Variants in SLC4A10 observed in about 807,000 individuals in gnomAD.
The protein encoded by SLC4A10 is solute carrier family 4 member 10.
A neutral mutation model predicts 137.7 loss-of-function variants in SLC4A10; 42 were observed. That is an observed-to-expected ratio of 0.30 (90% CI 0.24 to 0.39). The LOEUF is 0.39. Among genes scored for constraint, SLC4A10 ranks in the 10% least tolerant of loss-of-function variants. The pLI is 1.00. For missense variants in SLC4A10, 925 were observed against 1,355.0 expected, an observed-to-expected ratio of 0.68 and a Z score of 4.98; for synonymous variants, 474 against 464.1, an observed-to-expected ratio of 1.02 and a Z score of -0.27.
At chr2:161,733,938 C>T (rs1334645544) in intron 1 of SLC4A10, among the ~76,000 whole-genome samples, 1 of 152,130 alleles carries the variant, frequency 6.6e-6, no homozygotes, top group Non-Finnish European at 1.5e-5. Flanking sequence ...CATGCATGGA[C>T]CCTGGAAAAC....
At chr2:161,665,000 A>G (rs1180268738) in intron 1 of SLC4A10, among the ~76,000 whole-genome samples, 1 of 151,840 alleles carries the variant, frequency 6.6e-6, no homozygotes, top group East Asian at 1.9e-4. Flanking sequence ...ACATATTTAT[A>G]GAAAAATCTT....
intron 1 of SLC4A10, among the ~76,000 whole-genome samples, chr2:161,756,200 C>T (rs2049626461): frequency 6.6e-6 from 1 of 152,076 alleles, no homozygotes; most frequent in Non-Finnish European, 1.5e-5. Flanking sequence ...TATTTATCTT[C>T]TACATGCTTT....
intron 5 of SLC4A10, 52 bp downstream of exon 5, chr2:161,855,182 A>G: frequency 6.6e-7 from 1 of 1,518,494 alleles, no homozygotes. Flanking sequence ...ATTTTTTGTT[A>G]CTCTCTTTTC....
At chr2:161,688,032 A>G (rs1208137060) in intron 1 of SLC4A10, among the ~76,000 whole-genome samples, 2 of 152,238 alleles carry the variant, frequency 1.3e-5, no homozygotes, top group East Asian at 1.9e-4. Context: ...GCTTTCTACC[A>G]AAGTAATTAT....
chr2:161,901,242 G>T, intron 12 of SLC4A10: 2 of 399,164 alleles, frequency 5.0e-6, no homozygotes, highest in South Asian at 7.3e-5. Context: ...CTTTCATTTT[G>T]CTGTGCATAA....
At chr2:161,914,969 A>G (rs868074604) in intron 15 of SLC4A10, among the ~76,000 whole-genome samples, 1 of 152,130 alleles carries the variant, frequency 6.6e-6, no homozygotes, top group Admixed American at 6.5e-5. Flanking sequence ...GGTAACTTCC[A>G]TCCCTGTGTG....
chr2:161,918,666 G>A (rs1374713246), intron 15 of SLC4A10, among the ~76,000 whole-genome samples: 1 of 152,120 alleles, frequency 6.6e-6, no homozygotes, highest in Non-Finnish European at 1.5e-5. Context: ...GAGTTTTTCT[G>A]CATCACATTG....
intron 1 of SLC4A10, among the ~76,000 whole-genome samples, chr2:161,757,051 T>C (rs1055458043): frequency 5.9e-5 from 9 of 152,132 alleles, no homozygotes; most frequent in Non-Finnish European, 1.2e-4. Context: ...AGCTCACTTA[T>C]AAGCAAAAGC....
At chr2:161,900,289 A>G (rs190457953) in intron 11 of SLC4A10, among the ~76,000 whole-genome samples, 10 of 132,316 alleles carry the variant, frequency 7.6e-5, no homozygotes, top group East Asian at 2.6e-4. Context: ...TTGGCACTCT[A>G]TGAGTTAGAA....
intron 15 of SLC4A10, among the ~76,000 whole-genome samples, chr2:161,917,440 A>G (rs888932458): frequency 1.3e-5 from 2 of 152,098 alleles, no homozygotes; most frequent in African/African-American, 4.8e-5. Flanking sequence ...CCTAGAAACA[A>G]GATTGCTAGG....
intron 1 of SLC4A10, among the ~76,000 whole-genome samples, chr2:161,679,224 A>T (rs2040583965): frequency 6.6e-6 from 1 of 152,158 alleles, no homozygotes. Context: ...TTTTCAGTTC[A>T]TCAAATACTT....
chr2:161,695,614 T>C (rs1399668474), intron 1 of SLC4A10, among the ~76,000 whole-genome samples: 1 of 152,156 alleles, frequency 6.6e-6, no homozygotes, highest in Non-Finnish European at 1.5e-5. Context: ...CTCAATATTG[T>C]GCTGTTACAA....
intron 10 of SLC4A10, among the ~76,000 whole-genome samples, chr2:161,884,850 G>C (rs146787929): frequency 6.6e-6 from 1 of 152,316 alleles, no homozygotes; most frequent in Non-Finnish European, 1.5e-5. Flanking sequence ...TGAGGCAATT[G>C]TTCTGCTTAT....
In SLC4A10 at chr2:161,948,551, G is replaced by A. The variant is rs556924174; in HGVS notation, c.2266-597G>A. On this transcript the variant is annotated intron_variant, in intron 17 of 26. Transcript: ENST00000446997. ...GGCATCTTAAAATAAACTAGATCTG[G>A]ATAATAATTATATGTGAATATTTGC... Among the ~76,000 whole-genome samples the A allele has an allele frequency of 3.9e-5, 6 of 152,124 alleles. No individual in the cohort carries two copies. The South Asian group carries it at 1.2e-3, about 32-fold the overall frequency.
At chr2:161,816,925 T>A (rs2057131083) in intron 3 of SLC4A10, among the ~76,000 whole-genome samples, 1 of 152,188 alleles carries the variant, frequency 6.6e-6, no homozygotes, top group Non-Finnish European at 1.5e-5. Context: ...TTCTGAATAG[T>A]GCCGCAATAA....
chr2:161,729,969 G>T (rs924735975), intron 1 of SLC4A10, among the ~76,000 whole-genome samples: 1 of 152,052 alleles, frequency 6.6e-6, no homozygotes, highest in Admixed American at 6.6e-5. Context: ...ATATAAAGCC[G>T]GCCAAGATAA....
At chr2:161,758,900 A>G (rs1272426330) in intron 1 of SLC4A10, among the ~76,000 whole-genome samples, 1 of 152,002 alleles carries the variant, frequency 6.6e-6, no homozygotes, top group East Asian at 1.9e-4. Context: ...AGGTACTTGA[A>G]TACAAACCAA....
chr2:161,935,226 TC>T (rs1559571185), intron 15 of SLC4A10, among the ~76,000 whole-genome samples: 1 of 152,170 alleles, frequency 6.6e-6, no homozygotes, highest in Non-Finnish European at 1.5e-5. Context: ...GGTTGTCTAT[TC>T]TGTTCACTGG....
At chr2:161,866,165 A>G (rs1185359692) in intron 6 of SLC4A10, among the ~76,000 whole-genome samples, 4 of 152,022 alleles carry the variant, frequency 2.6e-5, no homozygotes, top group Non-Finnish European at 5.9e-5. Context: ...AATAAAGTTT[A>G]TACTTCCTTA....
Sources: allele counts gnomAD v4.1 joint callset (sites outside exome capture counted in the v4.1 genomes callset), GRCh38; gene constraint gnomAD v4.1.1; transcripts MANE v1.5; gene names NCBI Gene and HGNC (gene_info 2026-07-23, HGNC 2026-07-21).